The following PTGER3 variants were observed in gnomAD, a reference collection of about 807,000 sequenced individuals.
The protein encoded by PTGER3 is prostaglandin E receptor 3, also known as prostaglandin E2 receptor EP3 subtype.
A neutral mutation model predicts 34.7 loss-of-function variants in PTGER3; 22 were observed. The ratio of observed to expected loss-of-function variants is 0.63; its 90% CI spans 0.45 to 0.91. PTGER3 has a LOEUF of 0.91. PTGER3 is among the 40% of genes least tolerant of loss of function. The probability of loss-of-function intolerance (pLI) is 0.00; values close to 1 mark genes in which losing one functional copy is unlikely to be tolerated. For synonymous variants in PTGER3, 241 were observed against 230.1 expected, an observed-to-expected ratio of 1.05 and a Z score of -0.43; for missense variants, 468 against 519.4, an observed-to-expected ratio of 0.90 and a Z score of 0.96.
chr1:70,992,783 C>A (rs1655593132), intron 2 of PTGER3, among the ~76,000 whole-genome samples: 1 of 152,186 alleles, frequency 6.6e-6, no homozygotes. Flanking sequence ...CCTCACCCTA[C>A]ACTATATATT....
At chr1:70,952,493 C>T in exon 4 of PTGER3, 1 of 986,720 alleles carries the variant, frequency 1.0e-6, no homozygotes, top group South Asian at 4.7e-5. Flanking sequence ...CATTCACAAA[C>T]CCATAACCTT....
intron 2 of PTGER3, among the ~76,000 whole-genome samples, chr1:70,994,039 G>C (rs1655703311): frequency 1.3e-5 from 2 of 152,134 alleles, no homozygotes; most frequent in East Asian, 1.9e-4. Flanking sequence ...TGTGGGTTTA[G>C]ACCCTGCGGC....
At chr1:70,858,792 A>G (rs1344622524) in intron 4 of PTGER3, among the ~76,000 whole-genome samples, 1 of 152,210 alleles carries the variant, frequency 6.6e-6, no homozygotes, top group Non-Finnish European at 1.5e-5. Context: ...CAGTAGTAAA[A>G]TAGAGGTAAT....
intron 1 of PTGER3, among the ~76,000 whole-genome samples, chr1:71,039,603 T>C (rs2100986423): frequency 6.8e-6 from 1 of 146,444 alleles, no homozygotes; most frequent in South Asian, 2.2e-4. Context: ...TGAGCGGAGA[T>C]TGCGCCACTG....
intron 2 of PTGER3, among the ~76,000 whole-genome samples, chr1:70,977,918 A>G (rs1653867875): frequency 6.6e-6 from 1 of 152,062 alleles, no homozygotes. Context: ...GCTCCCTCCT[A>G]AACAACTGAC....
chr1:70,852,805 T>C (rs534186081), exon 5 of PTGER3: 1 of 1,611,554 alleles, frequency 6.2e-7, no homozygotes, highest in Non-Finnish European at 8.5e-7. Context: ...GTCATGGAGC[T>C]TCCAGTGATG....
chr1:70,881,803 G>C (rs573931554), intron 4 of PTGER3, among the ~76,000 whole-genome samples: 1 of 152,304 alleles, frequency 6.6e-6, no homozygotes, highest in South Asian at 2.1e-4. Flanking sequence ...CCATTTCCTT[G>C]CTGGGTTGGC....
chr1:70,892,412 C>G (rs1445280771), intron 4 of PTGER3, among the ~76,000 whole-genome samples: 1 of 152,160 alleles, frequency 6.6e-6, no homozygotes, highest in Non-Finnish European at 1.5e-5. Context: ...CAGCTGGCAC[C>G]AGGTATGACT....
chr1:71,007,583 C>T (rs1324822779), intron 2 of PTGER3: 1 of 985,154 alleles, frequency 1.0e-6, no homozygotes, highest in Non-Finnish European at 1.2e-6. Flanking sequence ...ACAGGTTTTC[C>T]ATCATATCTT....
At chr1:70,859,538 T>G (rs944882120) in intron 4 of PTGER3, among the ~76,000 whole-genome samples, 8 of 152,260 alleles carry the variant, frequency 5.3e-5, no homozygotes, top group African/African-American at 1.9e-4. Context: ...GTTGGCACTG[T>G]AATTTTATTG....
At chr1:70,939,329 C>T (rs1649541908) in intron 4 of PTGER3, among the ~76,000 whole-genome samples, 1 of 152,216 alleles carries the variant, frequency 6.6e-6, no homozygotes, top group South Asian at 2.1e-4. Flanking sequence ...CTTTCATGAG[C>T]TAGTGTTGAG....
chr1:70,875,497 G>A lies in PTGER3; in HGVS notation c.*24-22638C>T, dbSNP rs1646253881. On this transcript the variant is annotated intron_variant, in intron 4 of 4. Transcript: ENST00000370931. ...TTTTTAAATTTATTTTAGGTTTAGA[G>A]GTACATGTGTAGGTTTGTTATACAG... Among the ~76,000 whole-genome samples, 4 of 152,154 alleles carry A rather than the reference G, an allele frequency of 2.6e-5. No individual in the cohort carries two copies. The South Asian group carries it at 6.2e-4, about 24-fold the overall frequency.
intron 4 of PTGER3, among the ~76,000 whole-genome samples, chr1:70,925,702 T>C (rs1040400771): frequency 5.3e-5 from 8 of 152,028 alleles, no homozygotes; most frequent in African/African-American, 1.9e-4. Context: ...TGTAAATACA[T>C]GAAAAATAAG....
intron 2 of PTGER3, among the ~76,000 whole-genome samples, chr1:70,983,284 G>GAAAAAAA (rs3044618): frequency 1.3e-5 from 2 of 148,170 alleles, no homozygotes; most frequent in African/African-American, 2.5e-5. Flanking sequence ...TAATTAATCT[G>GAAAAAAA]AAAAAAAAAA....
chr1:71,014,304 G>C (rs771818293), intron 1 of PTGER3, among the ~76,000 whole-genome samples: 1 of 152,102 alleles, frequency 6.6e-6, no homozygotes, highest in African/African-American at 2.4e-5. Context: ...ATGGCACTTT[G>C]ATACACTCAC....
intron 2 of PTGER3, among the ~76,000 whole-genome samples, chr1:70,963,093 C>T (rs190130077): frequency 3.8e-4 from 58 of 152,314 alleles, no homozygotes; most frequent in African/African-American, 1.2e-3. Flanking sequence ...GCAGTCAAAG[C>T]TTAAAGCTCC....
chr1:71,027,294 A>G (rs1295288253), intron 1 of PTGER3, among the ~76,000 whole-genome samples: 1 of 152,106 alleles, frequency 6.6e-6, no homozygotes, highest in African/African-American at 2.4e-5. Flanking sequence ...AGCTAGTACT[A>G]CAGGCATGTG....
chr1:70,905,752 A>G (rs955818869), intron 4 of PTGER3, among the ~76,000 whole-genome samples: 10 of 152,260 alleles, frequency 6.6e-5, no homozygotes, highest in African/African-American at 2.4e-4. Context: ...CTCAGATGAG[A>G]CATTGGACTG....
intron 4 of PTGER3, among the ~76,000 whole-genome samples, chr1:70,925,251 T>C (rs1179732850): frequency 9.8e-5 from 15 of 152,306 alleles, no homozygotes; most frequent in Admixed American, 7.9e-4. Context: ...TTGATCCACC[T>C]GCCTCAGCCT....
Sources: gnomAD v4.1 joint callset for allele counts (sites outside exome capture counted in the v4.1 genomes callset) on GRCh38, gnomAD v4.1.1 for gene constraint, MANE v1.5 for transcripts, NCBI Gene and HGNC (gene_info 2026-07-23, HGNC 2026-07-21) for gene names.